CRISPLD2: variants seen among roughly 807,000 people sequenced by gnomAD.
CRISPLD2 encodes the protein cysteine-rich secretory protein LCCL domain-containing 2.
Under a neutral mutation model 71.1 loss-of-function variants are expected in CRISPLD2, and 47 were observed. The observed-to-expected ratio is 0.66, with a 90% CI of 0.52 to 0.84. The LOEUF (loss-of-function observed/expected upper bound fraction) is 0.84, where lower values mean the gene tolerates loss of function less well. Ranked by LOEUF, CRISPLD2 falls within the 40% of genes least tolerant of loss-of-function variation. The probability of loss-of-function intolerance (pLI) is 0.00; values close to 1 mark genes in which losing one functional copy is unlikely to be tolerated. For missense variants in CRISPLD2, 830 were observed against 651.1 expected (o/e 1.27, Z -2.99); for synonymous variants, 317 against 250.1 (o/e 1.27, Z -2.52).
Position 84,833,448 on chromosome 16 carries a change from C to A in CRISPLD2, c.-74-4974C>A, listed in dbSNP as rs557333163. ...GCGGTCCCTAGTGATATTTCATTAT[C>A]AATGAGTGGCTGAGTGGACAGGATG... On this transcript the variant is annotated intron_variant, in intron 1 of 14. Coordinates refer to ENST00000262424, the MANE Select transcript of CRISPLD2 (RefSeq NM_031476.4). Among the ~76,000 whole-genome samples the A allele has an allele frequency of 4.5e-4, 68 of 152,312 alleles. No individual in the cohort carries two copies. In the South Asian group the frequency reaches 0.013, roughly 29 times the overall value.
intron 1 of CRISPLD2, among the ~76,000 whole-genome samples, chr16:84,829,790 T>C (rs1916442086): frequency 1.3e-5 from 2 of 152,258 alleles, no homozygotes; most frequent in African/African-American, 4.8e-5. Context: ...TTTCATCGTC[T>C]GTAAAATAGG....
chr16:84,889,260 G>T lies in CRISPLD2; in HGVS notation c.1336G>T (p.Ala446Ser). The T allele has an allele frequency of 6.2e-7, 1 of 1,614,148 alleles. No homozygotes were observed. Residue 446 changes from alanine to serine, a missense_variant, in exon 14 of 15, where the codon GCG becomes TCG. Physicochemically the swap from Ala to Ser is moderately conservative, Grantham distance 99. Coordinates refer to ENST00000262424, the MANE Select transcript of CRISPLD2 (RefSeq NM_031476.4). The part of the protein sequence containing the change: ...TSSICKTAVH[A>S]GVISNESGGD... Reference sequence around the variant, plus strand: ...AAGCATCTGCAAGACAGCCGTGCACGCGGGAGTCATCAGCAACGAGAGTGG... The same window carrying T: ...AAGCATCTGCAAGACAGCCGTGCACTCGGGAGTCATCAGCAACGAGAGTGG...
chr16:84,881,616 A>G (rs989982305), intron 13 of CRISPLD2, among the ~76,000 whole-genome samples: 1 of 147,700 alleles, frequency 6.8e-6, no homozygotes, highest in Non-Finnish European at 1.5e-5. Flanking sequence ...GGGCAGCATC[A>G]TTCATCTCTA....
rs1042952394 is a variant in CRISPLD2, at chr16:84,890,316, G to A, written c.1439+953G>A. Reference sequence around the variant, plus strand: ...GGAGCTTGCAGTGAGCTGAGATCGCGCCACCGCACTCCAGCCTGGGCGACA... The same window carrying A: ...GGAGCTTGCAGTGAGCTGAGATCGCACCACCGCACTCCAGCCTGGGCGACA... On this transcript the variant is annotated intron_variant, in intron 14 of 14. Transcript: ENST00000262424. 1.2e-4 allele frequency among the ~76,000 whole-genome samples: 18 copies of A among 151,102 alleles called. No homozygotes were observed. In the South Asian group the frequency reaches 2.1e-3, roughly 18 times the overall value.
intron 1 of CRISPLD2, among the ~76,000 whole-genome samples, chr16:84,823,221 A>C (rs1916271120): frequency 6.6e-6 from 1 of 152,118 alleles, no homozygotes; most frequent in African/African-American, 2.4e-5. Context: ...GTAATATTCC[A>C]TTGCATTAAT....
chr16:84,875,410 T>C (rs1328369216), intron 11 of CRISPLD2, among the ~76,000 whole-genome samples: 8 of 141,742 alleles, frequency 5.6e-5, no homozygotes, highest in African/African-American at 8.1e-5. Context: ...GATTTATGCA[T>C]GGACTTTTTT....
intron 5 of CRISPLD2, 34 bp downstream of exon 5, chr16:84,850,717 G>A: frequency 1.3e-6 from 2 of 1,561,186 alleles, no homozygotes; most frequent in South Asian, 1.1e-5. Flanking sequence ...ATGGGGTGGG[G>A]GTTGGGATGT....
intron 14 of CRISPLD2, among the ~76,000 whole-genome samples, chr16:84,897,858 C>G (rs1016446956): frequency 6.6e-6 from 1 of 152,242 alleles, no homozygotes; most frequent in Non-Finnish European, 1.5e-5. Flanking sequence ...CTCAGGTGAT[C>G]CGCCTGCCTT....
chr16:84,825,839 C>T (rs1916338622), intron 1 of CRISPLD2, among the ~76,000 whole-genome samples: 1 of 152,020 alleles, frequency 6.6e-6, no homozygotes, highest in South Asian at 2.1e-4. Context: ...TGGTAGGGCA[C>T]ACCTGTAATT....
rs959546285 is a variant in CRISPLD2 at position 84,868,036 on chromosome 16, G to A, written c.854-815G>A. The stretch of plus-strand genomic sequence containing the variant: ...GGGCTGGATGCCCTTGGCTCTCCCC[G>A]TTTGCCCCGCAAGCCTCAAAGGCCC... On this transcript the variant is annotated intron_variant, in intron 7 of 14. Transcript: ENST00000262424. Among the ~76,000 whole-genome samples the A allele has an allele frequency of 5.3e-5, 8 of 152,290 alleles. No homozygotes were observed. In the East Asian group the frequency reaches 5.8e-4, roughly 11 times the overall value.
At chr16:84,849,234 C>T in intron 3 of CRISPLD2, 151 bp from the exon 4 acceptor site, 4 of 765,294 alleles carry the variant, frequency 5.2e-6, no homozygotes, top group Non-Finnish European at 8.4e-6. Flanking sequence ...CCTCGGCCTC[C>T]CTCCCTCCCG....
At chr16:84,833,567 T>C (rs8055796) in intron 1 of CRISPLD2, among the ~76,000 whole-genome samples, 41,026 of 151,766 alleles carry the variant, frequency 0.27, 5,724 homozygotes, top group Middle Eastern at 0.38. Context: ...CCTCACACCC[T>C]GGGTACCGAA....
chr16:84,830,262 C>T (rs746058346), intron 1 of CRISPLD2, among the ~76,000 whole-genome samples: 5 of 152,150 alleles, frequency 3.3e-5, no homozygotes, highest in Non-Finnish European at 5.9e-5. Context: ...GTTGAGGCTG[C>T]AGTGAGACAT....
rs973911233 is a variant in CRISPLD2 at position 84,849,428 on chromosome 16, G to C, written c.403G>C (p.Val135Leu). Residue 135 changes from valine (V) to leucine (L), a missense_variant, in exon 4 of 15, where the codon GTG (valine) becomes CTG (leucine). Transcript: ENST00000262424. The part of the protein sequence containing the change: ...GFHVQSWYDE[V>L]KDYTYPYPSE... ...CCATGTGCAGTCCTGGTATGACGAG[G>C]TGAAGGACTACACCTACCCCTACCC... 5.6e-6 allele frequency: 9 copies of C among 1,614,034 alleles called. No individual in the cohort carries two copies. Among genetic ancestry groups the C allele is most frequent in the Non-Finnish European group, 7.6e-6 (9 of 1,180,008 alleles).
chr16:84,844,403 C>T (rs1333035749), intron 2 of CRISPLD2, among the ~76,000 whole-genome samples: 1 of 152,200 alleles, frequency 6.6e-6, no homozygotes, highest in Non-Finnish European at 1.5e-5. Context: ...GTGTGCAGTT[C>T]TGTGGCATTA....
intron 13 of CRISPLD2, 101 bp from the exon 14 acceptor site, chr16:84,889,129 C>T (rs2071638471): frequency 4.0e-6 from 6 of 1,495,650 alleles, no homozygotes; most frequent in Non-Finnish European, 5.5e-6. Context: ...GGTCCACATC[C>T]CACCAGCCAG....
chr16:84,859,422 A>G (rs1472588031), intron 6 of CRISPLD2, among the ~76,000 whole-genome samples: 1 of 152,094 alleles, frequency 6.6e-6, no homozygotes, highest in Non-Finnish European at 1.5e-5. Context: ...CCCTTTCCCC[A>G]GTGCACGGTT....
At chr16:84,870,885 C>T (rs537350217) in intron 8 of CRISPLD2, among the ~76,000 whole-genome samples, 2 of 151,882 alleles carry the variant, frequency 1.3e-5, no homozygotes, top group African/African-American at 4.8e-5. Context: ...TGGCGAAACC[C>T]TGTCTCTACT....
chr16:84,824,267 G>C (rs2143129107), intron 1 of CRISPLD2, among the ~76,000 whole-genome samples: 1 of 152,280 alleles, frequency 6.6e-6, no homozygotes, highest in South Asian at 2.1e-4. Context: ...GGGCAGCAAA[G>C]GTCTGTCCTG....
Sources: allele counts gnomAD v4.1 joint callset (sites outside exome capture counted in the v4.1 genomes callset), GRCh38; gene constraint gnomAD v4.1.1; transcripts MANE v1.5; gene names NCBI Gene and HGNC (gene_info 2026-07-23, HGNC 2026-07-21).